UBE2E2: variants seen among roughly 807,000 people sequenced by gnomAD.
UBE2E2 encodes the protein ubiquitin-conjugating enzyme E2 E2.
A neutral mutation model predicts 24.7 loss-of-function variants in UBE2E2; 6 were observed. The ratio of observed to expected loss-of-function variants is 0.24; its 90% CI spans 0.13 to 0.48. The LOEUF (loss-of-function observed/expected upper bound fraction) is 0.48. UBE2E2 is among the 20% of genes least tolerant of loss of function. The probability of loss-of-function intolerance (pLI) is 0.99; values close to 1 mark genes in which losing one functional copy is unlikely to be tolerated. For synonymous variants in UBE2E2, 104 were observed against 83.6 expected, an observed-to-expected ratio of 1.24 and a Z score of -1.33; for missense variants, 169 against 245.0, an observed-to-expected ratio of 0.69 and a Z score of 2.07.
intron 4 of UBE2E2, among the ~76,000 whole-genome samples, chr3:23,521,277 TCTC>T (rs1694858612): frequency 6.6e-6 from 1 of 152,182 alleles, no homozygotes; most frequent in African/African-American, 2.4e-5. Flanking sequence ...AGGAGGACAT[TCTC>T]CTTCTGTTTG....
At chr3:23,316,062 C>A (rs1414255244) in intron 3 of UBE2E2, among the ~76,000 whole-genome samples, 1 of 152,160 alleles carries the variant, frequency 6.6e-6, no homozygotes, top group Non-Finnish European at 1.5e-5. Context: ...TGGAAATGCA[C>A]TGGCTCAGAC....
At chr3:23,268,450 C>A (rs542473659) in intron 3 of UBE2E2, among the ~76,000 whole-genome samples, 3 of 151,906 alleles carry the variant, frequency 2.0e-5, no homozygotes, top group African/African-American at 4.8e-5. Context: ...CTCCCATTCA[C>A]AATTGCTTCA....
chr3:23,523,043 TA>T (rs555997316), intron 4 of UBE2E2, among the ~76,000 whole-genome samples: 1 of 151,662 alleles, frequency 6.6e-6, no homozygotes, highest in Non-Finnish European at 1.5e-5. Context: ...TGTGTAAAGA[TA>T]AAAAAATGAA....
intron 3 of UBE2E2, among the ~76,000 whole-genome samples, chr3:23,353,644 A>G (rs1215246036): frequency 6.6e-6 from 1 of 152,156 alleles, no homozygotes; most frequent in African/African-American, 2.4e-5. Flanking sequence ...CAGTTGCTTC[A>G]AAGAGAATAA....
At chr3:23,515,916 C>A (rs963462662) in intron 4 of UBE2E2, among the ~76,000 whole-genome samples, 1 of 152,104 alleles carries the variant, frequency 6.6e-6, no homozygotes, top group Non-Finnish European at 1.5e-5. Flanking sequence ...TAGCAGTGAG[C>A]TATAATGATG....
At chr3:23,269,615 G>T (rs1698176516) in intron 3 of UBE2E2, among the ~76,000 whole-genome samples, 2 of 152,170 alleles carry the variant, frequency 1.3e-5, no homozygotes, top group Admixed American at 1.3e-4. Context: ...CATGCAAAAG[G>T]CCAGTTAAGA....
intron 5 of UBE2E2, among the ~76,000 whole-genome samples, chr3:23,559,969 G>A (rs994041873): frequency 1.3e-5 from 2 of 151,984 alleles, no homozygotes. Context: ...GAGGCCAAGA[G>A]GCTGTTCAGT....
At chr3:23,571,786 C>G (rs1696238650) in intron 5 of UBE2E2, among the ~76,000 whole-genome samples, 1 of 152,144 alleles carries the variant, frequency 6.6e-6, no homozygotes, top group South Asian at 2.1e-4. Context: ...TCTTTACTAA[C>G]GAATCTCTTG....
chr3:23,223,022 C>G (rs560445696), intron 3 of UBE2E2, among the ~76,000 whole-genome samples: 4 of 105,734 alleles, frequency 3.8e-5, no homozygotes, highest in African/African-American at 6.7e-5. Context: ...TTGCCCCCCC[C>G]CCCTTTTTTT....
intron 3 of UBE2E2, among the ~76,000 whole-genome samples, chr3:23,417,078 A>T (rs987571214): frequency 1.3e-5 from 2 of 152,038 alleles, no homozygotes; most frequent in Non-Finnish European, 2.9e-5. Context: ...TTCTCCGTCC[A>T]GTTTTGTTCC....
chr3:23,500,698 C>T (rs1038407159), intron 4 of UBE2E2, among the ~76,000 whole-genome samples: 3 of 152,200 alleles, frequency 2.0e-5, no homozygotes, highest in Non-Finnish European at 4.4e-5. Flanking sequence ...TAATTCCCCT[C>T]CCTCCTCTTT....
intron 3 of UBE2E2, among the ~76,000 whole-genome samples, chr3:23,483,211 G>A (rs1244997156): frequency 6.6e-6 from 1 of 152,158 alleles, no homozygotes; most frequent in Non-Finnish European, 1.5e-5. Context: ...GCTCGTCTAG[G>A]TTTGAAATAC....
At chr3:23,423,468 T>C (rs1249317097) in intron 3 of UBE2E2, among the ~76,000 whole-genome samples, 1 of 152,016 alleles carries the variant, frequency 6.6e-6, no homozygotes, top group Non-Finnish European at 1.5e-5. Context: ...GAAGTATGTC[T>C]GTTTCTCTCA....
rs1484753741 is a variant in UBE2E2, at chr3:23,415,866, G to A, written c.228-83742G>A. 2.6e-5 allele frequency among the ~76,000 whole-genome samples: 4 copies of A among 152,056 alleles called. No homozygotes were observed. In the East Asian group the frequency reaches 7.8e-4, roughly 29 times the overall value. ...CCCATCAACCCATCATCTACATTAG[G>A]TATTTCTCCTAATGCTATCCCTCCC... On this transcript the variant is annotated intron_variant, in intron 3 of 5. Coordinates refer to ENST00000396703, the MANE Select transcript of UBE2E2 (RefSeq NM_152653.4).
chr3:23,337,374 T>C (rs1394745801), intron 3 of UBE2E2, among the ~76,000 whole-genome samples: 1 of 152,150 alleles, frequency 6.6e-6, no homozygotes, highest in Admixed American at 6.6e-5. Flanking sequence ...AATTCGGCCC[T>C]GTTTCTGTGC....
In UBE2E2 at chr3:23,563,202, C is replaced by G. The variant is rs9865397; in HGVS notation, c.509-26532C>G. 6.5e-3 allele frequency among the ~76,000 whole-genome samples: 990 copies of G among 152,252 alleles called. 9 individuals carry two copies. The highest frequency in any genetic ancestry group is 0.022 in the African/African-American group (929 of 41,552). ...GATCTTTCCTGCTTTCTCTTATGGG[C>G]ATTTAGTGCTATAAATTTCCCTCTA... is the stretch of plus-strand genomic sequence containing the variant. On this transcript the variant is annotated intron_variant, in intron 5 of 5. Coordinates refer to ENST00000396703, the MANE Select transcript of UBE2E2 (RefSeq NM_152653.4).
chr3:23,315,053 C>T (rs544876325), intron 3 of UBE2E2, among the ~76,000 whole-genome samples: 24 of 152,192 alleles, frequency 1.6e-4, no homozygotes, highest in Non-Finnish European at 3.5e-4. Context: ...CTCTACCTCT[C>T]TCTCTTTACC....
intron 3 of UBE2E2, among the ~76,000 whole-genome samples, chr3:23,491,455 CT>C (rs1253086846): frequency 6.6e-6 from 1 of 152,138 alleles, no homozygotes; most frequent in Non-Finnish European, 1.5e-5. Context: ...CTAGTACAGC[CT>C]TTAGGGGATC....
chr3:23,447,122 T>G (rs1198976159), intron 3 of UBE2E2, among the ~76,000 whole-genome samples: 1 of 152,214 alleles, frequency 6.6e-6, no homozygotes, highest in Non-Finnish European at 1.5e-5. Flanking sequence ...TTTCAGTACT[T>G]ACAACAGTAG....
Sources: gnomAD v4.1 joint callset for allele counts (sites outside exome capture counted in the v4.1 genomes callset) on GRCh38, gnomAD v4.1.1 for gene constraint, MANE v1.5 for transcripts, NCBI Gene and HGNC (gene_info 2026-07-23, HGNC 2026-07-21) for gene names.